UGT1A9: variants seen among roughly 807,000 people sequenced by gnomAD.
The protein encoded by UGT1A9 is UDP glucuronosyltransferase family 1 member A9.
In UGT1A9, 35 loss-of-function variants were observed where a neutral mutation model predicts 45.0. The ratio of observed to expected loss-of-function variants is 0.78; its 90% confidence interval spans 0.59 to 1.03. The LOEUF (loss-of-function observed/expected upper bound fraction) is 1.03, where lower values mean the gene tolerates loss of function less well. UGT1A9 is among the 50% of genes least tolerant of loss of function. The pLI, the probability that UGT1A9 is intolerant of heterozygous loss-of-function variation, is 0.00. For missense variants in UGT1A9, 687 were observed against 666.6 expected (o/e 1.03, Z -0.34); for synonymous variants, 278 against 250.6 (o/e 1.11, Z -1.03).
chr2:233,758,463 T>A (rs1240923270), intron 1 of UGT1A9, among the ~76,000 whole-genome samples: 1 of 152,228 alleles, frequency 6.6e-6, no homozygotes, highest in Admixed American at 6.5e-5. Flanking sequence ...ATTATCACCC[T>A]TAAGGTTTAA....
intron 1 of UGT1A9, among the ~76,000 whole-genome samples, chr2:233,675,561 A>G (rs1302555577): frequency 6.6e-6 from 1 of 152,166 alleles, no homozygotes; most frequent in Non-Finnish European, 1.5e-5. Flanking sequence ...ATAGTCCAAG[A>G]TCCAAATTCA....
intron 4 of UGT1A9, chr2:233,770,632 T>G (rs561537548): frequency 1.3e-5 from 2 of 150,950 alleles, no homozygotes; most frequent in Admixed American, 6.6e-5. Flanking sequence ...CACTCCAGCC[T>G]GGGCGACAGA....
chr2:233,679,257 T>C (rs539011577), intron 1 of UGT1A9, among the ~76,000 whole-genome samples: 122 of 152,338 alleles, frequency 8.0e-4, no homozygotes, highest in African/African-American at 2.9e-3. Flanking sequence ...TAAAAGACAG[T>C]CCCTTGCTGG....
At chr2:233,690,794 CA>C in intron 1 of UGT1A9, 3 of 1,143,930 alleles carry the variant, frequency 2.6e-6, no homozygotes, top group South Asian at 1.9e-5. Flanking sequence ...CACACACACA[CA>C]CACACCATTC....
rs1457143857 is a variant in UGT1A9, at chr2:233,672,804, C to A, written c.855+15C>A. 1.9e-6 allele frequency: 3 copies of A among 1,607,786 alleles called. No homozygotes were observed. Among genetic ancestry groups the A allele is most frequent in the East Asian group, 2.2e-5 (1 of 44,818 alleles). The stretch of plus-strand genomic sequence containing the variant: ...CGTTGCCTATGGTAAGTTATCTCTC[C>A]TTTAGCACCTTAAGAATACTTCACC... On this transcript the variant is annotated intron_variant, in intron 1 of 4. Transcript: ENST00000354728.
intron 1 of UGT1A9, chr2:233,682,030 G>A (rs2125521969): frequency 1.9e-6 from 3 of 1,614,138 alleles, no homozygotes; most frequent in Middle Eastern, 1.7e-4. Context: ...TGCTGGTAGT[G>A]CCCATGGATG....
chr2:233,724,334 G>C (rs2077226090), intron 1 of UGT1A9, among the ~76,000 whole-genome samples: 2 of 148,198 alleles, frequency 1.3e-5, no homozygotes, highest in African/African-American at 5.0e-5. Context: ...GCCAGGCGGG[G>C]GGCTGACCCC....
intron 1 of UGT1A9, chr2:233,729,268 T>G (rs760988573): frequency 3.1e-5 from 50 of 1,613,984 alleles, no homozygotes; most frequent in Non-Finnish European, 3.5e-5. Context: ...GCGGGAGGTC[T>G]TGCGGGAGCT....
rs1030911458 is a variant in UGT1A9 at position 233,746,492 on chromosome 2, A to G, written c.856-20542A>G. Among the ~76,000 whole-genome samples, 6 of 151,536 alleles carry G rather than the reference A, an allele frequency of 4.0e-5. 1 individual carries two copies. Among genetic ancestry groups the G allele is most frequent in the African/African-American group, 1.5e-4 (6 of 40,956 alleles). ...CAGAAACACTTTCCATGGACATGTC[A>G]CTCTTTAGTAGCCCCCAAAGCAAGA... On this transcript the variant is annotated intron_variant, in intron 1 of 4. Coordinates refer to ENST00000354728, the MANE Select transcript of UGT1A9 (RefSeq NM_021027.3).
At chr2:233,747,632 C>G in intron 1 of UGT1A9, 1 of 1,580,404 alleles carries the variant, frequency 6.3e-7, no homozygotes, top group Non-Finnish European at 8.7e-7. Context: ...TGATCAGGCA[C>G]CTGAATGCTA....
intron 1 of UGT1A9, chr2:233,752,529 C>A (rs570345449): frequency 1.3e-5 from 2 of 152,130 alleles, no homozygotes; most frequent in Non-Finnish European, 2.9e-5. Context: ...TCTAAAAATT[C>A]TTTAAATAAA....
chr2:233,721,241 A>G (rs2076930397), intron 1 of UGT1A9, among the ~76,000 whole-genome samples: 1 of 152,202 alleles, frequency 6.6e-6, no homozygotes, highest in African/African-American at 2.4e-5. Context: ...ACTGAATTGT[A>G]AAAAATATAT....
In UGT1A9 at chr2:233,672,242, G is replaced by A. The variant is rs555995846; in HGVS notation, c.308G>A (p.Arg103Gln). 3.4e-5 allele frequency: 55 copies of A among 1,614,166 alleles called. No homozygotes were observed. The East Asian group carries it at 8.0e-4, about 24-fold the overall frequency. ...FAHAQWKAQV[R>Q]SIYSLLMGSY... The stretch of plus-strand genomic sequence containing the variant: ...CATGCTCAATGGAAAGCACAAGTAC[G>A]AAGTATATATTCTCTATTAATGGGT... The change falls in exon 1 of 5, where the codon CGA becomes CAA. Residue 103 changes from arginine to glutamine, a missense_variant. Transcript: ENST00000354728.
At chr2:233,717,752 T>C (rs1429389060) in intron 1 of UGT1A9, 2 of 456,612 alleles carry the variant, frequency 4.4e-6, no homozygotes, top group South Asian at 3.1e-5. Flanking sequence ...GGTCTCCCCC[T>C]AGAAAGGCAC....
intron 1 of UGT1A9, among the ~76,000 whole-genome samples, chr2:233,736,062 G>C (rs1463600658): frequency 6.6e-6 from 1 of 152,174 alleles, no homozygotes; most frequent in South Asian, 2.1e-4. Context: ...GGCCTGCCTT[G>C]CTAGGTTTGG....
intron 1 of UGT1A9, chr2:233,743,999 G>C (rs981482683): frequency 6.6e-6 from 8 of 1,219,924 alleles, no homozygotes; most frequent in African/African-American, 3.2e-5. Flanking sequence ...CCGAGTGCTC[G>C]GAGACCTGGG....
chr2:233,717,158 G>T (rs75491591), intron 1 of UGT1A9, among the ~76,000 whole-genome samples: 2,054 of 152,298 alleles, frequency 0.013, 54 homozygotes, highest in African/African-American at 0.047. Context: ...GAACATGGGA[G>T]CCCCTTGAAT....
intron 1 of UGT1A9, among the ~76,000 whole-genome samples, chr2:233,696,018 G>A (rs1380009671): frequency 1.3e-5 from 2 of 152,070 alleles, no homozygotes; most frequent in African/African-American, 2.4e-5. Flanking sequence ...CACAGACATG[G>A]GGCTCAGTCC....
chr2:233,747,974 G>T lies in UGT1A9; in HGVS notation c.856-19060G>T, dbSNP rs1693825544. On this transcript the variant is annotated intron_variant, in intron 1 of 4. Coordinates refer to ENST00000354728, the MANE Select transcript of UGT1A9 (RefSeq NM_021027.3). ...TGGATCTTCTCAGCCATGCATCTGT[G>T]TGGCTGTTCCGAGGGGACTTTGTGA... 4 of 1,613,452 alleles carry T rather than the reference G, an allele frequency of 2.5e-6. No homozygotes were observed. The South Asian group carries it at 4.4e-5, about 18-fold the overall frequency.
Sources: allele counts gnomAD v4.1 joint callset (sites outside exome capture counted in the v4.1 genomes callset), GRCh38; gene constraint gnomAD v4.1.1; transcripts MANE v1.5; gene names NCBI Gene and HGNC (gene_info 2026-07-23, HGNC 2026-07-21).